MGMT: variants seen among roughly 807,000 people sequenced by gnomAD.
The protein encoded by MGMT is methylated-DNA--protein-cysteine methyltransferase.
In MGMT, 14 loss-of-function variants were observed where a neutral mutation model predicts 15.9. The observed-to-expected ratio is 0.88, with a 90% CI of 0.58 to 1.37. MGMT has a LOEUF of 1.37. MGMT is among the 40% of genes most tolerant of loss of function. MGMT has a pLI of 0.00. For synonymous variants in MGMT, 130 were observed against 118.2 expected, an observed-to-expected ratio of 1.10 and a Z score of -0.65; for missense variants, 282 against 268.1, an observed-to-expected ratio of 1.05 and a Z score of -0.36.
intron 3 of MGMT, among the ~76,000 whole-genome samples, chr10:129,747,827 G>A (rs1487854551): frequency 6.6e-6 from 1 of 152,184 alleles, no homozygotes; most frequent in African/African-American, 2.4e-5. Context: ...GGCCTAGACA[G>A]TGTTAAGGAG....
At chr10:129,662,260 A>G (rs1478125156) in intron 2 of MGMT, among the ~76,000 whole-genome samples, 1 of 152,154 alleles carries the variant, frequency 6.6e-6, no homozygotes, top group Non-Finnish European at 1.5e-5. Context: ...AAAGGAAACT[A>G]TTTCAAGCTC....
At chr10:129,669,369 T>C (rs1466929000) in intron 2 of MGMT, among the ~76,000 whole-genome samples, 1 of 152,164 alleles carries the variant, frequency 6.6e-6, no homozygotes, top group Non-Finnish European at 1.5e-5. Flanking sequence ...GGCTGGTTGC[T>C]TACCAATTTT....
chr10:129,505,400 A>G (rs538285897), intron 1 of MGMT, among the ~76,000 whole-genome samples: 76 of 152,216 alleles, frequency 5.0e-4, no homozygotes, highest in Non-Finnish European at 4.0e-4. Context: ...CATATCAAAT[A>G]CCTGTGTAAT....
At chr10:129,613,292 C>T (rs1484577058) in intron 2 of MGMT, among the ~76,000 whole-genome samples, 2 of 152,210 alleles carry the variant, frequency 1.3e-5, no homozygotes, top group Non-Finnish European at 2.9e-5. Context: ...GTGCTCTTTG[C>T]TGTCCAGTGA....
chr10:129,507,747 T>C (rs1194905223), intron 1 of MGMT, among the ~76,000 whole-genome samples: 1 of 152,212 alleles, frequency 6.6e-6, no homozygotes, highest in Non-Finnish European at 1.5e-5. Context: ...CTGTATTTCT[T>C]CGCGCACTGC....
chr10:129,768,905 G>T lies in MGMT; in HGVS notation c.*1908G>T, dbSNP rs1023784164. 6.6e-6 allele frequency: 1 copy of T among 152,346 alleles called. No individual in the cohort carries two copies. Among genetic ancestry groups the T allele is most frequent in the African/African-American group, 2.4e-5 (1 of 41,470 alleles). The allele number at this position is 152,346 out of a possible 1,614,324, so 9.4% of individuals were successfully genotyped here. On this transcript the variant is annotated 3_prime_UTR_variant, in exon 5 of 5. Coordinates refer to ENST00000651593, the MANE Select transcript of MGMT (RefSeq NM_002412.5). ...ACGCTGCAGGCAGGCTGCCTCCGCT[G>T]TTTGGGTCCCATGAACGATGGAAGC...
At chr10:129,564,171 C>CCTTCTT (rs1369178791) in intron 2 of MGMT, 1 of 128,110 alleles carries the variant, frequency 7.8e-6, no homozygotes, top group African/African-American at 3.0e-5. Context: ...CTCCCCCTCC[C>CCTTCTT]CCTCCCTTCT....
At chr10:129,636,640 T>C (rs937015827) in intron 2 of MGMT, among the ~76,000 whole-genome samples, 10 of 152,396 alleles carry the variant, frequency 6.6e-5, no homozygotes, top group African/African-American at 2.4e-4. Flanking sequence ...CATTCCACTG[T>C]TGATTTCCTG....
At chr10:129,728,713 G>T (rs1337553971) in intron 3 of MGMT, among the ~76,000 whole-genome samples, 4 of 151,866 alleles carry the variant, frequency 2.6e-5, no homozygotes, top group African/African-American at 9.7e-5. Flanking sequence ...AAGCCTCCCT[G>T]ACCATGGTCC....
intron 3 of MGMT, among the ~76,000 whole-genome samples, chr10:129,732,135 T>C (rs142709557): frequency 8.9e-5 from 13 of 145,914 alleles, no homozygotes; most frequent in East Asian, 2.1e-4. Flanking sequence ...TTGCCTGATA[T>C]GTTGTGGGCT....
At chr10:129,510,847 A>C (rs1374261316) in intron 1 of MGMT, among the ~76,000 whole-genome samples, 3 of 146,506 alleles carry the variant, frequency 2.0e-5, no homozygotes, top group Non-Finnish European at 4.5e-5. Context: ...TGCTTCATGC[A>C]GTAGGAACCC....
chr10:129,581,632 G>T (rs1846556466), intron 2 of MGMT, among the ~76,000 whole-genome samples: 2 of 152,190 alleles, frequency 1.3e-5, no homozygotes. Flanking sequence ...TCTCAGACTA[G>T]TCAGAACATT....
intron 1 of MGMT, among the ~76,000 whole-genome samples, chr10:129,467,637 C>T (rs1845184210): frequency 6.6e-6 from 1 of 152,238 alleles, no homozygotes; most frequent in Non-Finnish European, 1.5e-5. Flanking sequence ...TTCCCTCCGC[C>T]AGCTGCTCCA....
At chr10:129,685,317 C>A (rs1847893166) in intron 2 of MGMT, among the ~76,000 whole-genome samples, 1 of 152,182 alleles carries the variant, frequency 6.6e-6, no homozygotes, top group Non-Finnish European at 1.5e-5. Flanking sequence ...GCTGGTGTCT[C>A]CAAAACTTCC....
rs1214654463 is a variant in MGMT at position 129,532,657 on chromosome 10, G to C, written c.-12-3584G>C. Among the ~76,000 whole-genome samples, 2 of 152,094 alleles carry C rather than the reference G, an allele frequency of 1.3e-5. No individual in the cohort carries two copies. Among genetic ancestry groups the C allele is most frequent in the Non-Finnish European group, 2.9e-5 (2 of 68,018 alleles). ...ATGTCTTCCCCTTTGGCTGACGCTTGGATTGGGGGTGAACTCGAGGTGTGG... is the reference window on the plus strand; with the variant it reads ...ATGTCTTCCCCTTTGGCTGACGCTTCGATTGGGGGTGAACTCGAGGTGTGG... On this transcript the variant is annotated intron_variant, in intron 1 of 4. Transcript: ENST00000651593. This position sits in a 1 kb window ranked among gnomAD's most constrained non-coding sequence, Gnocchi z 5.3.
At chr10:129,609,265 G>T (rs932982286) in intron 2 of MGMT, among the ~76,000 whole-genome samples, 8 of 152,066 alleles carry the variant, frequency 5.3e-5, no homozygotes, top group Admixed American at 2.6e-4. Context: ...CTGGAGGCTG[G>T]ATGGTAGAAC....
At chr10:129,498,177 C>T (rs1231304326) in intron 1 of MGMT, among the ~76,000 whole-genome samples, 1 of 152,198 alleles carries the variant, frequency 6.6e-6, no homozygotes, top group Non-Finnish European at 1.5e-5. Context: ...AAGTGATGTG[C>T]CCCCTTGGGC....
At chr10:129,473,520 T>C (rs942422037) in intron 1 of MGMT, among the ~76,000 whole-genome samples, 4 of 152,160 alleles carry the variant, frequency 2.6e-5, no homozygotes, top group Admixed American at 2.0e-4. Flanking sequence ...TCTCCTGGGA[T>C]AGAGGTAGAG....
At position 129,767,025 on chromosome 10, in the gene MGMT, C is replaced by T. The variant is rs770869521; in HGVS notation, c.*28C>T. ...ATGTGCAGTAGGATGGATGTTTGAG[C>T]GACACACACGTGTAACACTGCATCG... On this transcript the variant is annotated 3_prime_UTR_variant, in exon 5 of 5. Coordinates refer to ENST00000651593, the MANE Select transcript of MGMT (RefSeq NM_002412.5). The T allele has an allele frequency of 1.2e-5, 19 of 1,542,286 alleles. No individual in the cohort carries two copies. The highest frequency in any genetic ancestry group is 4.1e-5 in the African/African-American group (3 of 73,338).
Sources: gnomAD v4.1 joint callset for allele counts (sites outside exome capture counted in the v4.1 genomes callset) on GRCh38, gnomAD v4.1.1 for gene constraint, Gnocchi (gnomAD v3.1) non-coding constraint, MANE v1.5 for transcripts, NCBI Gene and HGNC (gene_info 2026-07-23, HGNC 2026-07-21) for gene names.